The following PSMA1 variants were observed in gnomAD, a reference collection of about 807,000 sequenced individuals.
PSMA1 encodes the protein proteasome subunit alpha type-1.
PSMA1 carries 3 observed loss-of-function variants against 38.4 expected under a neutral mutation model. The ratio of observed to expected loss-of-function variants is 0.08; its 90% CI spans 0.04 to 0.20. PSMA1 has a LOEUF of 0.20. Ranked by LOEUF, PSMA1 falls within the 10% of genes least tolerant of loss-of-function variation. The pLI, the probability that PSMA1 is intolerant of heterozygous loss-of-function variation, is 1.00. For missense variants in PSMA1, 227 were observed against 325.3 expected (o/e 0.70, Z 2.32); for synonymous variants, 101 against 107.1 (o/e 0.94, Z 0.35).
chr11:14,544,023 CT>C (rs1851799549), intron 2 of PSMA1, among the ~76,000 whole-genome samples: 1 of 152,082 alleles, frequency 6.6e-6, no homozygotes, highest in South Asian at 2.1e-4. Flanking sequence ...AATATAATAA[CT>C]TGTACTACCT....
At chr11:14,633,809 C>G (rs568480630) in intron 1 of PSMA1, among the ~76,000 whole-genome samples, 1 of 152,302 alleles carries the variant, frequency 6.6e-6, no homozygotes, top group Non-Finnish European at 1.5e-5. Flanking sequence ...GCATAGGACC[C>G]TCCGAGCCAG....
chr11:14,620,610 T>C (rs751027089), intron 1 of PSMA1, among the ~76,000 whole-genome samples: 26 of 152,258 alleles, frequency 1.7e-4, no homozygotes, highest in Non-Finnish European at 3.4e-4. Context: ...AAGACAGAGA[T>C]ACTGGCAATA....
chr11:14,559,816 GA>G (rs1851988702), intron 2 of PSMA1, among the ~76,000 whole-genome samples: 1 of 152,198 alleles, frequency 6.6e-6, no homozygotes, highest in African/African-American at 2.4e-5. Flanking sequence ...GAGTTCCCTA[GA>G]AATAGACTCT....
chr11:14,616,392 C>T (rs780753335), intron 1 of PSMA1, among the ~76,000 whole-genome samples: 11 of 151,760 alleles, frequency 7.2e-5, no homozygotes, highest in Non-Finnish European at 1.3e-4. Flanking sequence ...CTACCATGCC[C>T]GGCTAATTTT....
intron 2 of PSMA1, among the ~76,000 whole-genome samples, chr11:14,570,934 A>G (rs1220089259): frequency 6.6e-6 from 1 of 152,344 alleles, no homozygotes; most frequent in East Asian, 1.9e-4. Flanking sequence ...GAAGGAAAAA[A>G]TGTTAAGGGC....
At chr11:14,563,575 C>A (rs1378455088) in intron 2 of PSMA1, among the ~76,000 whole-genome samples, 1 of 152,140 alleles carries the variant, frequency 6.6e-6, no homozygotes, top group Non-Finnish European at 1.5e-5. Context: ...GGATTCATTG[C>A]AGGTTTTCAA....
chr11:14,507,418 G>A (rs555093816), intron 9 of PSMA1, among the ~76,000 whole-genome samples: 4 of 151,992 alleles, frequency 2.6e-5, no homozygotes, highest in East Asian at 3.8e-4. Flanking sequence ...CACCCGCCTC[G>A]GCCTCCCAAA....
At chr11:14,579,921 G>GT (rs1313745835) in intron 2 of PSMA1, among the ~76,000 whole-genome samples, 1 of 152,164 alleles carries the variant, frequency 6.6e-6, no homozygotes, top group Non-Finnish European at 1.5e-5. Flanking sequence ...TGATGGATGG[G>GT]TAAGAGGGAA....
At chr11:14,516,250 G>A (rs914704340) in intron 4 of PSMA1, among the ~76,000 whole-genome samples, 3 of 151,352 alleles carry the variant, frequency 2.0e-5, no homozygotes, top group Middle Eastern at 3.4e-3. Context: ...TGTTGCCTAC[G>A]CTAGAGTACA....
At chr11:14,520,478 C>T (rs1851510652), upstream of PSMA1, 10 of 1,484,234 alleles carry the variant, frequency 6.7e-6, no homozygotes, top group South Asian at 1.3e-4. Flanking sequence ...CTCCTTAAAA[C>T]TTTCCGACCG....
chr11:14,623,613 G>C (rs528307490), intron 1 of PSMA1, among the ~76,000 whole-genome samples: 60 of 152,258 alleles, frequency 3.9e-4, no homozygotes, highest in Non-Finnish European at 6.0e-4. Flanking sequence ...CCAATAGAAA[G>C]CATCTACCAT....
intron 1 of PSMA1, among the ~76,000 whole-genome samples, chr11:14,640,469 G>A (rs1853185303): frequency 6.6e-6 from 1 of 152,198 alleles, no homozygotes; most frequent in Admixed American, 6.5e-5. Flanking sequence ...CTGCAGCTCT[G>A]AGAAAACTCT....
At chr11:14,542,954 C>T (rs1259084021) in intron 2 of PSMA1, among the ~76,000 whole-genome samples, 7 of 152,090 alleles carry the variant, frequency 4.6e-5, no homozygotes, top group East Asian at 1.9e-4. Flanking sequence ...CTCCCAGGTT[C>T]GAGTGATTCT....
chr11:14,604,066 T>C (rs897760676), intron 2 of PSMA1, among the ~76,000 whole-genome samples: 3 of 152,344 alleles, frequency 2.0e-5, no homozygotes, highest in Admixed American at 2.0e-4. Context: ...TTCTAACTAC[T>C]AAATGTCCTT....
chr11:14,573,925 T>C (rs930366338), intron 2 of PSMA1, among the ~76,000 whole-genome samples: 2 of 152,152 alleles, frequency 1.3e-5, no homozygotes, highest in Admixed American at 1.3e-4. Context: ...GAATTTGAGA[T>C]ATATGATTTA....
intron 8 of PSMA1, among the ~76,000 whole-genome samples, chr11:14,508,577 A>AAAAAAAAAAAG (rs1851288732): frequency 6.7e-6 from 1 of 149,850 alleles, no homozygotes; most frequent in African/African-American, 2.4e-5. Flanking sequence ...AAAAAAAAAA[A>AAAAAAAAAAAG]CCCAGATTGT....
At position 14,584,516 on chromosome 11, in the gene PSMA1, T is replaced by G. The variant is rs1002544939; in HGVS notation, c.21+26450A>C. Among the ~76,000 whole-genome samples, 3 of 150,868 alleles carry G rather than the reference T, an allele frequency of 2.0e-5. 1 individual carries two copies. The highest frequency in any genetic ancestry group is 4.2e-4 in the South Asian group (2 of 4,800). ...GTTTTTTTTGTTTTTTGTTTTTTTT[T>G]TTTTTTTTTTTAAAGACTGTCCCAA... On this transcript the variant is annotated intron_variant, in intron 2 of 10. Coordinates refer to the PSMA1 transcript ENST00000418988.
chr11:14,507,898 G>C lies in PSMA1; in HGVS notation c.625-132C>G, dbSNP rs1033610687. 1.6e-5 allele frequency: 10 copies of C among 616,436 alleles called. No individual in the cohort carries two copies. The African/African-American group carries it at 1.9e-4, about 11-fold the overall frequency. 38.2% of individuals were successfully genotyped at this position (616,436 alleles called of 1,614,324 possible). ...GAATAAAACCTTAAAAACCACTTAT[G>C]TGTAGGAGAAAAAAGAAGGAAACTA... is the stretch of plus-strand genomic sequence containing the variant. On this transcript the variant is annotated intron_variant, in intron 8 of 9. Coordinates refer to ENST00000396394, the MANE Select transcript of PSMA1 (RefSeq NM_002786.4).
chr11:14,527,632 C>T (rs750258314), intron 2 of PSMA1, among the ~76,000 whole-genome samples: 16 of 152,148 alleles, frequency 1.1e-4, no homozygotes, highest in Non-Finnish European at 1.9e-4. Context: ...TCACATGCCT[C>T]GAGTCAGGAA....
Sources: allele counts gnomAD v4.1 joint callset (sites outside exome capture counted in the v4.1 genomes callset), GRCh38; gene constraint gnomAD v4.1.1; transcripts MANE v1.5; gene names NCBI Gene and HGNC (gene_info 2026-07-23, HGNC 2026-07-21).